TRPV5: variants seen among roughly 807,000 people sequenced by gnomAD.
TRPV5 encodes calcium transport protein 2.
A neutral mutation model predicts 74.1 loss-of-function variants in TRPV5; 66 were observed. The observed-to-expected ratio is 0.89, with a 90% CI of 0.73 to 1.09. The LOEUF is 1.09. Among genes scored for constraint, TRPV5 ranks in the 50% least tolerant of loss-of-function variants. The probability of loss-of-function intolerance (pLI) is 0.00; values close to 1 mark genes in which losing one functional copy is unlikely to be tolerated. For synonymous variants in TRPV5, 399 were observed against 360.7 expected (o/e 1.11, Z -1.20); for missense variants, 936 against 930.4 (o/e 1.01, Z -0.08).
intron 3 of TRPV5, 68 bp from the exon 4 acceptor site, chr7:142,929,633 C>A: frequency 1.9e-6 from 3 of 1,584,978 alleles, no homozygotes; most frequent in Admixed American, 1.7e-5. Flanking sequence ...ACAGCATCCC[C>A]CACCATCCCT....
At chr7:142,912,416 C>T in intron 13 of TRPV5, 66 bp downstream of exon 13, 3 of 1,558,898 alleles carry the variant, frequency 1.9e-6, no homozygotes, top group Non-Finnish European at 2.6e-6. Context: ...TCCACCATAA[C>T]ATTTTCCACT....
intron 1 of TRPV5, among the ~76,000 whole-genome samples, chr7:142,932,698 C>T (rs1437607481): frequency 6.6e-6 from 1 of 152,176 alleles, no homozygotes; most frequent in Non-Finnish European, 1.5e-5. Context: ...AATGATTTAC[C>T]TGCAGGTGTG....
chr7:142,928,315 T>C (rs1586227624), intron 6 of TRPV5, 81 bp from the exon 7 acceptor site: 1 of 1,490,520 alleles, frequency 6.7e-7, no homozygotes, highest in East Asian at 2.3e-5. Flanking sequence ...ATGGAGCCAG[T>C]TGCCCACCCC....
At chr7:142,924,315 C>CATATACATGTATATATACATATATAT (rs1795940394) in intron 8 of TRPV5, among the ~76,000 whole-genome samples, 13 of 16,744 alleles carry the variant, frequency 7.8e-4, no homozygotes, top group African/African-American at 2.7e-3. Context: ...TATATATACA[C>CATATACATGTATATATACATATATAT]ACATATACAT....
intron 7 of TRPV5, among the ~76,000 whole-genome samples, chr7:142,926,238 G>C (rs868016640): frequency 6.6e-6 from 1 of 152,184 alleles, no homozygotes; most frequent in South Asian, 2.1e-4. Context: ...AGCAACTGGG[G>C]AGTTCAAGCA....
At position 142,915,581 on chromosome 7, in the gene TRPV5, A is replaced by C; in HGVS notation, c.1123-13T>G. On this transcript the variant is annotated splice_polypyrimidine_tract_variant and intron_variant, in intron 8 of 14. Coordinates refer to ENST00000265310, the MANE Select transcript of TRPV5 (RefSeq NM_019841.7). ...TCTCATAGGCCTCCTATGTGGGGAA[A>C]TTCAGAAGAAGTGCTTTCTGATGGG... 1 of 1,613,648 alleles carries C rather than the reference A, an allele frequency of 6.2e-7. No individual in the cohort carries two copies. Among genetic ancestry groups the C allele is most frequent in the Non-Finnish European group, 8.5e-7 (1 of 1,179,694 alleles).
chr7:142,931,712 T>C (rs1182497089), intron 1 of TRPV5, among the ~76,000 whole-genome samples: 2 of 152,048 alleles, frequency 1.3e-5, no homozygotes, highest in East Asian at 1.9e-4. Context: ...TATTTATTTA[T>C]TTTTTTTGAG....
intron 8 of TRPV5, among the ~76,000 whole-genome samples, chr7:142,917,502 A>T (rs1795821968): frequency 1.3e-5 from 2 of 152,232 alleles, no homozygotes; most frequent in Admixed American, 1.3e-4. Context: ...GAATCCAGCC[A>T]GGGAGTCACA....
chr7:142,922,512 A>G (rs1795902599), intron 8 of TRPV5, among the ~76,000 whole-genome samples: 1 of 152,180 alleles, frequency 6.6e-6, no homozygotes, highest in Non-Finnish European at 1.5e-5. Flanking sequence ...TCTTAAAAAT[A>G]CCAAGGCCAG....
At chr7:142,923,031 A>C (rs1434154498) in intron 8 of TRPV5, among the ~76,000 whole-genome samples, 1 of 152,170 alleles carries the variant, frequency 6.6e-6, no homozygotes, top group Non-Finnish European at 1.5e-5. Flanking sequence ...GTGCTGTTGC[A>C]CTACTCTTAT....
chr7:142,924,343 T>TATATAGACATATACATGTATATATATAC (rs1795942291), intron 8 of TRPV5, among the ~76,000 whole-genome samples: 1 of 12,184 alleles, frequency 8.2e-5, no homozygotes, highest in African/African-American at 1.4e-4. Context: ...TATACATATA[T>TATATAGACATATACATGTATATATATAC]ATATATATAG....
intron 8 of TRPV5, among the ~76,000 whole-genome samples, chr7:142,917,821 T>C (rs1240960080): frequency 6.6e-6 from 1 of 152,240 alleles, no homozygotes; most frequent in African/African-American, 2.4e-5. Flanking sequence ...CTTGCTGCTC[T>C]ACAAGACCAG....
Position 142,914,672 on chromosome 7 carries a change from A to G in TRPV5, c.1487T>C (p.Leu496Pro). The change falls in exon 12 of 15, where the codon CTG becomes CCG. Residue 496 changes from leucine to proline, a missense_variant. Physicochemically the swap from Leu to Pro is moderately conservative, Grantham distance 98 (BLOSUM62 -3). Transcript: ENST00000265310. ...IFGDLMRFCW[L>P]MAVVILGFAS... ...AAATCCCAAGATGACCACAGCCATC[A>G]GCCAGCAGAAACGCATTAGGTCTCC... The G allele has an allele frequency of 6.2e-7, 1 of 1,613,922 alleles. No homozygotes were observed. The highest frequency in any genetic ancestry group is 8.5e-7 in the Non-Finnish European group (1 of 1,179,908).
chr7:142,912,717 G>C lies in TRPV5; in HGVS notation c.1553C>G (p.Thr518Ser), dbSNP rs767497345. ...GTAGTCATAGAATTGCCCCAGACTGGTTGGGTCCTCTGTCTGGAAAATGAT... is the reference window on the plus strand; with the variant it reads ...GTAGTCATAGAATTGCCCCAGACTGCTTGGGTCCTCTGTCTGGAAAATGAT... ...FYIIFQTEDP[T>S]SLGQFYDYPM... The change falls in exon 13 of 15, where the codon ACC becomes AGC. Residue 518 changes from threonine to serine, a missense_variant. By Grantham distance (58) the Thr-to-Ser change is moderately conservative. Coordinates refer to ENST00000265310, the MANE Select transcript of TRPV5 (RefSeq NM_019841.7). 3 of 1,614,194 alleles carry C rather than the reference G, an allele frequency of 1.9e-6. No homozygotes were observed. The South Asian group carries it at 3.3e-5, about 18-fold the overall frequency.
At chr7:142,932,735 C>T (rs1195463879) in intron 1 of TRPV5, among the ~76,000 whole-genome samples, 6 of 152,154 alleles carry the variant, frequency 3.9e-5, no homozygotes, top group African/African-American at 1.4e-4. Flanking sequence ...TAAGAGCTCT[C>T]CAGGAGCAGG....
At chr7:142,926,457 C>T (rs1795990772) in intron 7 of TRPV5, among the ~76,000 whole-genome samples, 1 of 152,068 alleles carries the variant, frequency 6.6e-6, no homozygotes, top group Non-Finnish European at 1.5e-5. Flanking sequence ...GAGTGATTAG[C>T]CATTAACAGC....
At chr7:142,915,115 G>T in intron 10 of TRPV5, 69 bp from the exon 11 acceptor site, 1 of 1,568,242 alleles carries the variant, frequency 6.4e-7, no homozygotes, top group South Asian at 1.2e-5. Context: ...GCATAGTGGT[G>T]ACCGGGGTGG....
Position 142,929,089 on chromosome 7 carries a change from C to T in TRPV5, c.519G>A (p.Val173=), listed in dbSNP as rs1311808124. Residue 173 remains valine, a synonymous_variant, in exon 5 of 15, where the codon GTG becomes GTA. Coordinates refer to ENST00000265310, the MANE Select transcript of TRPV5 (RefSeq NM_019841.7). The part of the protein sequence containing the change: ...GEHPLSFAAC[V]NSEEIVRLLI... The stretch of plus-strand genomic sequence containing the variant: ...GCAGCCGCACGATCTCCTCGCTGTT[C>T]ACACAGGCAGCAAAGGACAAAGGGT... The T allele has an allele frequency of 3.1e-6, 5 of 1,613,996 alleles. No homozygotes were observed. The African/African-American group carries it at 6.7e-5, about 22-fold the overall frequency.
intron 1 of TRPV5, among the ~76,000 whole-genome samples, chr7:142,932,684 A>C (rs975689947): frequency 6.6e-6 from 1 of 152,198 alleles, no homozygotes; most frequent in African/African-American, 2.4e-5. Context: ...GGGCTAAGCC[A>C]TGAAATGATT....
Sources: allele counts gnomAD v4.1 joint callset (sites outside exome capture counted in the v4.1 genomes callset), GRCh38; gene constraint gnomAD v4.1.1; transcripts MANE v1.5; gene names NCBI Gene and HGNC (gene_info 2026-07-23, HGNC 2026-07-21).